The following GALNT18 variants were observed in gnomAD, a reference collection of about 807,000 sequenced individuals.
GALNT18 encodes GalNAc-transferase 18.
A neutral mutation model predicts 69.5 loss-of-function variants in GALNT18; 44 were observed. The observed-to-expected ratio is 0.63, with a 90% confidence interval of 0.50 to 0.81. GALNT18 has a LOEUF of 0.81. Ranked by LOEUF, GALNT18 falls within the 40% of genes least tolerant of loss-of-function variation. The probability of loss-of-function intolerance (pLI) is 0.00; values close to 1 mark genes in which losing one functional copy is unlikely to be tolerated. For missense variants in GALNT18, 715 were observed against 810.0 expected, an observed-to-expected ratio of 0.88 and a Z score of 1.42; for synonymous variants, 364 against 318.2, an observed-to-expected ratio of 1.14 and a Z score of -1.53.
rs1415901973 is a variant in GALNT18, at chr11:11,439,347, A to C, written c.429-6560T>G. On this transcript the variant is annotated intron_variant, in intron 2 of 10. Coordinates refer to ENST00000227756, the MANE Select transcript of GALNT18 (RefSeq NM_198516.3). The surrounding 1 kb of genome is among the most constrained non-coding windows in gnomAD (Gnocchi z 4.4). Reference sequence around the variant, plus strand: ...CCAGAGCCTGCCTGTGTGGCTTCTCATTGTGTGATTGTGGGCCTTCATCAG... The same window carrying C: ...CCAGAGCCTGCCTGTGTGGCTTCTCCTTGTGTGATTGTGGGCCTTCATCAG... Among the ~76,000 whole-genome samples, 1 of 152,156 alleles carries C rather than the reference A, an allele frequency of 6.6e-6. No individual in the cohort carries two copies. Among genetic ancestry groups the C allele is most frequent in the Non-Finnish European group, 1.5e-5 (1 of 68,020 alleles).
At position 11,340,944 on chromosome 11, in the gene GALNT18, G is replaced by C. The variant is rs553486283; in HGVS notation, c.1153C>G (p.Arg385Gly). 6.2e-7 allele frequency: 1 copy of C among 1,612,784 alleles called. No individual in the cohort carries two copies. The highest frequency in any genetic ancestry group is 1.1e-5 in the South Asian group (1 of 90,908). ...TCCTCTGTGTAGGGCTTGTGGGCTCGCTCAATGTGGGCAATCCGTGAGCAG... is the reference window on the plus strand; with the variant it reads ...TCCTCTGTGTAGGGCTTGTGGGCTCCCTCAATGTGGGCAATCCGTGAGCAG... Reference protein sequence around the residue: ...LPCSRIAHIERAHKPYTEDLT... With the variant: ...LPCSRIAHIEGAHKPYTEDLT... Residue 385 changes from arginine to glycine, a missense_variant, in exon 7 of 11, where the codon CGA becomes GGA. By Grantham distance (125) the Arg-to-Gly change is moderately radical. Transcript: ENST00000227756. The surrounding 1 kb of genome is among the most constrained non-coding windows in gnomAD (Gnocchi z 4.2).
At position 11,438,716 on chromosome 11, in the gene GALNT18, T is replaced by C. The variant is rs560107403; in HGVS notation, c.429-5929A>G. Among the ~76,000 whole-genome samples, 11 of 152,276 alleles carry C rather than the reference T, an allele frequency of 7.2e-5. No homozygotes were observed. The East Asian group carries it at 9.6e-4, about 13-fold the overall frequency. On this transcript the variant is annotated intron_variant, in intron 2 of 10. Coordinates refer to ENST00000227756, the MANE Select transcript of GALNT18 (RefSeq NM_198516.3). ...ACAGTGAGACAGTGGTGTTGTGTCA[T>C]TGGCAACCCAGAGACCTTGAGCGAG...
At position 11,278,697 on chromosome 11, in the gene GALNT18, C is replaced by G. The variant is rs572822425; in HGVS notation, c.1678-7407G>C. Among the ~76,000 whole-genome samples, 307 of 151,678 alleles carry G rather than the reference C, an allele frequency of 2.0e-3. 1 individual carries two copies. Among genetic ancestry groups the G allele is most frequent in the Non-Finnish European group, 3.1e-3 (209 of 67,932 alleles). ...GAGAGAGAATGATGGTTACCAGAGG[C>G]TAAGAAAGGTAGTAGGGAGGAGAGG... On this transcript the variant is annotated intron_variant, in intron 10 of 10. Coordinates refer to ENST00000227756, the MANE Select transcript of GALNT18 (RefSeq NM_198516.3).
chr11:11,549,095 C>T (rs1201420192), intron 1 of GALNT18, among the ~76,000 whole-genome samples: 1 of 152,184 alleles, frequency 6.6e-6, no homozygotes, highest in Non-Finnish European at 1.5e-5. Flanking sequence ...TCAGAACTGT[C>T]CTTAAAGAGA....
At chr11:11,575,721 AC>A (rs1393669750) in intron 1 of GALNT18, among the ~76,000 whole-genome samples, 1 of 152,126 alleles carries the variant, frequency 6.6e-6, no homozygotes, top group Non-Finnish European at 1.5e-5. Flanking sequence ...TGTCTGAAAA[AC>A]AGCAAATGCT....
rs1856957190 is a variant in GALNT18, at chr11:11,500,718, C to T, written c.236-51782G>A. The stretch of plus-strand genomic sequence containing the variant: ...CACGTTTTAGCACCCACAACCCCTC[C>T]TCTCCTTACTTCTCTTTATGGATAG... On this transcript the variant is annotated intron_variant, in intron 1 of 10. Transcript: ENST00000227756. The surrounding 1 kb of genome is among the most constrained non-coding windows in gnomAD (Gnocchi z 5.0). Among the ~76,000 whole-genome samples the T allele has an allele frequency of 6.6e-6, 1 of 152,216 alleles. No individual in the cohort carries two copies. The highest frequency in any genetic ancestry group is 2.1e-4 in the South Asian group (1 of 4,832).
intron 1 of GALNT18, among the ~76,000 whole-genome samples, chr11:11,526,159 A>G (rs11021899): frequency 0.21 from 32,608 of 152,186 alleles, 4,161 homozygotes; most frequent in Non-Finnish European, 0.27. Flanking sequence ...AGGGATGTAT[A>G]AAGCCATAAA....
chr11:11,325,348 G>C (rs184275171), intron 9 of GALNT18, among the ~76,000 whole-genome samples: 5 of 152,206 alleles, frequency 3.3e-5, no homozygotes, highest in African/African-American at 9.6e-5. Context: ...ATGGATTTTG[G>C]GGACTTAGCA....
At chr11:11,440,670 G>T (rs774627629) in intron 2 of GALNT18, among the ~76,000 whole-genome samples, 77 of 152,268 alleles carry the variant, frequency 5.1e-4, no homozygotes, top group Non-Finnish European at 1.0e-3. Context: ...TGCCAGGGCA[G>T]TGCCCTGTCC....
At chr11:11,302,052 G>A (rs916297328) in intron 9 of GALNT18, among the ~76,000 whole-genome samples, 1 of 152,194 alleles carries the variant, frequency 6.6e-6, no homozygotes, top group Admixed American at 6.5e-5. Context: ...AGAGGAAACA[G>A]GCAAACACAA....
chr11:11,277,628 T>G (rs1320323695), intron 10 of GALNT18, among the ~76,000 whole-genome samples: 1 of 152,208 alleles, frequency 6.6e-6, no homozygotes, highest in Non-Finnish European at 1.5e-5. Context: ...CTTTCTCTTG[T>G]GGGCATTTAG....
chr11:11,427,252 T>G (rs1855154401), intron 3 of GALNT18, among the ~76,000 whole-genome samples: 1 of 152,200 alleles, frequency 6.6e-6, no homozygotes, highest in Non-Finnish European at 1.5e-5. Flanking sequence ...TTACAGAGCC[T>G]TCAGTCCCTG....
At chr11:11,585,139 G>T (rs78512558) in intron 1 of GALNT18, among the ~76,000 whole-genome samples, 7,923 of 152,122 alleles carry the variant, frequency 0.052, 317 homozygotes, top group Admixed American at 0.16. Context: ...AATCATGCTT[G>T]GATAAAAGAT....
At chr11:11,548,286 C>T (rs930543334) in intron 1 of GALNT18, among the ~76,000 whole-genome samples, 6 of 152,204 alleles carry the variant, frequency 3.9e-5, no homozygotes, top group South Asian at 2.1e-4. Flanking sequence ...CTTGTCCTTG[C>T]CTTCAGTTCC....
At chr11:11,375,343 T>G (rs1853720742) in intron 5 of GALNT18, among the ~76,000 whole-genome samples, 1 of 152,180 alleles carries the variant, frequency 6.6e-6, no homozygotes, top group Non-Finnish European at 1.5e-5. Flanking sequence ...AATTTGAGGT[T>G]GAGATGACAT....
At chr11:11,322,331 A>G (rs1849853349) in intron 9 of GALNT18, among the ~76,000 whole-genome samples, 1 of 152,246 alleles carries the variant, frequency 6.6e-6, no homozygotes, top group African/African-American at 2.4e-5. Context: ...ATATTGTATC[A>G]TCTGCAGTTG....
intron 1 of GALNT18, among the ~76,000 whole-genome samples, chr11:11,577,050 C>T (rs1426507215): frequency 2.0e-5 from 3 of 152,184 alleles, no homozygotes; most frequent in Non-Finnish European, 4.4e-5. Context: ...TGCAGGCTCA[C>T]GTATCTGCAG....
chr11:11,272,558 C>T (rs1032778780), intron 10 of GALNT18, among the ~76,000 whole-genome samples: 2 of 152,208 alleles, frequency 1.3e-5, no homozygotes, highest in African/African-American at 4.8e-5. Context: ...TTGCTGCAGC[C>T]ACATCAAATC....
chr11:11,474,979 T>C (rs921303513), intron 1 of GALNT18, among the ~76,000 whole-genome samples: 6 of 152,290 alleles, frequency 3.9e-5, no homozygotes, highest in African/African-American at 1.4e-4. Context: ...ATGAGCAAAA[T>C]GTCCCTGAGT....
Sources: allele counts gnomAD v4.1 joint callset (sites outside exome capture counted in the v4.1 genomes callset), GRCh38; gene constraint gnomAD v4.1.1; non-coding constraint Gnocchi (gnomAD v3.1); transcripts MANE v1.5; gene names NCBI Gene and HGNC (gene_info 2026-07-23, HGNC 2026-07-21).